KPNA3: variants seen among roughly 807,000 people sequenced by gnomAD.
KPNA3 encodes karyopherin subunit alpha 3, also known as importin subunit alpha-4.
A neutral mutation model predicts 73.8 loss-of-function variants in KPNA3; 13 were observed. That is an observed-to-expected ratio of 0.18 (90% confidence interval 0.11 to 0.28). KPNA3 has a LOEUF of 0.28. Among genes scored for constraint, KPNA3 ranks in the 10% least tolerant of loss-of-function variants. KPNA3 has a pLI of 1.00. For synonymous variants in KPNA3, 186 were observed against 206.9 expected, an observed-to-expected ratio of 0.90 and a Z score of 0.87; for missense variants, 360 against 618.1, an observed-to-expected ratio of 0.58 and a Z score of 4.43.
At chr13:49,722,177 T>C (rs1954365988) in intron 8 of KPNA3, 53 bp from the exon 9 acceptor site, 2 of 1,274,852 alleles carry the variant, frequency 1.6e-6, no homozygotes, top group Non-Finnish European at 2.1e-6. Context: ...GATGAGAAAG[T>C]CTGAAATGTA....
At chr13:49,728,051 C>T (rs1349229936) in intron 6 of KPNA3, among the ~76,000 whole-genome samples, 5 of 151,766 alleles carry the variant, frequency 3.3e-5, no homozygotes, top group Admixed American at 3.3e-4. Context: ...CTGGCTAACA[C>T]GGTGAAACCC....
chr13:49,761,960 C>T (rs1328636487), intron 1 of KPNA3, among the ~76,000 whole-genome samples: 6 of 151,802 alleles, frequency 4.0e-5, no homozygotes, highest in East Asian at 2.0e-4. Context: ...CCCCTCCACC[C>T]GGCAGCCGCC....
intron 1 of KPNA3, among the ~76,000 whole-genome samples, chr13:49,759,728 T>C (rs7335310): frequency 0.12 from 18,205 of 152,160 alleles, 2,201 homozygotes; most frequent in East Asian, 0.59. Flanking sequence ...CGGGTGGTAA[T>C]ACAAGCAATG....
At chr13:49,762,538 T>C (rs1954775983) in intron 1 of KPNA3, among the ~76,000 whole-genome samples, 1 of 152,212 alleles carries the variant, frequency 6.6e-6, no homozygotes, top group African/African-American at 2.4e-5. Flanking sequence ...TCTTCTGCCT[T>C]GGGATGCTGT....
chr13:49,731,079 C>T (rs181751709), intron 6 of KPNA3, among the ~76,000 whole-genome samples: 14 of 145,438 alleles, frequency 9.6e-5, no homozygotes, highest in Non-Finnish European at 1.5e-4. Context: ...TGCACCCAGC[C>T]GAATTTATTT....
intron 15 of KPNA3, among the ~76,000 whole-genome samples, chr13:49,705,157 G>A (rs1173293592): frequency 6.6e-6 from 1 of 152,016 alleles, no homozygotes; most frequent in East Asian, 1.9e-4. Context: ...TCAGGAGTTC[G>A]AGACCAGCCT....
intron 1 of KPNA3, among the ~76,000 whole-genome samples, chr13:49,779,537 T>TA (rs956596323): frequency 2.0e-5 from 3 of 152,174 alleles, no homozygotes; most frequent in Non-Finnish European, 4.4e-5. Flanking sequence ...ACTCCCTACT[T>TA]ACTCTATCTA....
rs202174090 is a variant in KPNA3 at position 49,713,674 on chromosome 13, C to CAA, written c.772-2654_772-2653dup. Among the ~76,000 whole-genome samples, 767 of 141,998 alleles carry CAA rather than the reference C, an allele frequency of 5.4e-3. 9 individuals carry two copies. The highest frequency in any genetic ancestry group is 0.044 in the South Asian group (194 of 4,436). The allele number at this position is 141,998 out of a possible 152,430, so 93.2% of individuals were successfully genotyped here. A position where few individuals can be genotyped will look rare whatever the true frequency, so the allele number is the denominator to read the frequency against. On this transcript the variant is annotated intron_variant, in intron 10 of 16. Coordinates refer to ENST00000261667, the MANE Select transcript of KPNA3 (RefSeq NM_002267.4). ...ACACACACACACACACACACACACA[C>CAA]AAAACAGAAAAACCCAACAACAAAA... is the stretch of plus-strand genomic sequence containing the variant.
At chr13:49,789,181 C>A (rs751641050) in intron 1 of KPNA3, among the ~76,000 whole-genome samples, 1 of 152,190 alleles carries the variant, frequency 6.6e-6, no homozygotes, top group Non-Finnish European at 1.5e-5. Flanking sequence ...GAAAAAGCTT[C>A]CAAGCAACTC....
At chr13:49,708,255 A>G (rs551925219) in intron 12 of KPNA3, among the ~76,000 whole-genome samples, 51 of 152,312 alleles carry the variant, frequency 3.3e-4, no homozygotes, top group Admixed American at 3.0e-3. Context: ...TCGGCCTCCC[A>G]AAGTGCTGGG....
At chr13:49,731,760 T>C (rs1314114677) in intron 6 of KPNA3, among the ~76,000 whole-genome samples, 2 of 152,324 alleles carry the variant, frequency 1.3e-5, no homozygotes, top group East Asian at 1.9e-4. Context: ...AGCACTGAGA[T>C]ATCACTAAAC....
At chr13:49,728,152 G>A (rs769842927) in intron 6 of KPNA3, among the ~76,000 whole-genome samples, 1 of 151,386 alleles carries the variant, frequency 6.6e-6, no homozygotes, top group Non-Finnish European at 1.5e-5. Context: ...GGAGAATGGT[G>A]TGAACCCAGG....
chr13:49,731,994 A>T (rs1025365813), intron 6 of KPNA3, among the ~76,000 whole-genome samples: 1 of 152,224 alleles, frequency 6.6e-6, no homozygotes, highest in Non-Finnish European at 1.5e-5. Flanking sequence ...TCTGGAAACC[A>T]TCCATGTTGA....
At chr13:49,716,254 T>C (rs996416045) in intron 10 of KPNA3, among the ~76,000 whole-genome samples, 1 of 152,164 alleles carries the variant, frequency 6.6e-6, no homozygotes. Flanking sequence ...TGATCTATAT[T>C]AGCCTTTGAG....
chr13:49,741,774 TAGTTTTCTTGCTATTG>T (rs1454372990), intron 2 of KPNA3, among the ~76,000 whole-genome samples: 2 of 152,222 alleles, frequency 1.3e-5, no homozygotes, highest in African/African-American at 4.8e-5. Context: ...TTTTAATTGT[TAGTTTTCTTGCTATTG>T]AGTTCATTAT....
rs1954138442 is a variant in KPNA3, at chr13:49,700,603, A to G, written c.*1197T>C. ...CCCTGTCTGAATCTTTTAATATGTG[A>G]AGATGCTTTTTGAGTAGGATCTGAA... On this transcript the variant is annotated 3_prime_UTR_variant, in exon 17 of 17. Coordinates refer to ENST00000261667, the MANE Select transcript of KPNA3 (RefSeq NM_002267.4). 6.6e-6 allele frequency: 1 copy of G among 152,648 alleles called. No homozygotes were observed. The allele number at this position is 152,648 out of a possible 1,614,324, so 9.5% of individuals were successfully genotyped here.
At chr13:49,777,698 G>A (rs1253406074) in intron 1 of KPNA3, among the ~76,000 whole-genome samples, 4 of 150,822 alleles carry the variant, frequency 2.7e-5, no homozygotes, top group Admixed American at 1.3e-4. Context: ...TTTTGTAGAG[G>A]TAGGGTCTCA....
At chr13:49,703,173 TTC>T (rs1166087257) in intron 15 of KPNA3, among the ~76,000 whole-genome samples, 1 of 131,328 alleles carries the variant, frequency 7.6e-6, no homozygotes, top group Non-Finnish European at 1.7e-5. Context: ...TGGGCATTTT[TTC>T]TTTCTTTCTT....
chr13:49,777,933 T>C (rs1356967979), intron 1 of KPNA3, among the ~76,000 whole-genome samples: 1 of 152,188 alleles, frequency 6.6e-6, no homozygotes, highest in Admixed American at 6.5e-5. Context: ...CACATCAACC[T>C]GCTTAGCCCA....
Sources: allele counts gnomAD v4.1 joint callset (sites outside exome capture counted in the v4.1 genomes callset), GRCh38; gene constraint gnomAD v4.1.1; transcripts MANE v1.5; gene names NCBI Gene and HGNC (gene_info 2026-07-23, HGNC 2026-07-21).